The following STK33 variants were observed in gnomAD, a reference collection of about 807,000 sequenced individuals.
STK33 encodes serine/threonine kinase 33.
A neutral mutation model predicts 58.0 loss-of-function variants in STK33; 52 were observed. The ratio of observed to expected loss-of-function variants is 0.90; its 90% CI spans 0.72 to 1.13. STK33 has a LOEUF of 1.13. Among genes scored for constraint, STK33 ranks in the 50% most tolerant of loss-of-function variants. The pLI is 0.00. For missense variants in STK33, 630 were observed against 604.2 expected, an observed-to-expected ratio of 1.04 and a Z score of -0.45; for synonymous variants, 215 against 200.1, an observed-to-expected ratio of 1.07 and a Z score of -0.63.
At chr11:8,362,965 C>T in the STK33 span, among the ~76,000 whole-genome samples, 318 of 149,098 alleles carry the variant, frequency 2.1e-3, 1 homozygote, top group African/African-American at 7.6e-3. Context: ...ACTGAGGAGA[C>T]AAGGGTGACA....
rs1030482033 is a variant in STK33 at position 8,424,916 on chromosome 11, T to G, written c.1146+10578A>C. On this transcript the variant is annotated intron_variant, in intron 14 of 15. Coordinates refer to ENST00000687296, the MANE Select transcript of STK33 (RefSeq NM_001352389.2). ...TGTCAGATGAGTAGATTGCAAAAAT[T>G]TTCTCCCATTCTGTAGGTTGCCTGT... Among the ~76,000 whole-genome samples, 2 of 135,456 alleles carry G rather than the reference T, an allele frequency of 1.5e-5. 1 individual carries two copies. Among genetic ancestry groups the G allele is most frequent in the Non-Finnish European group, 3.1e-5 (2 of 63,904 alleles). 88.9% of individuals were successfully genotyped at this position (135,456 alleles called of 152,430 possible). A position where few individuals can be genotyped will look rare whatever the true frequency, so the allele number is the denominator to read the frequency against.
chr11:8,389,529 C>T (rs1175317656), downstream of STK33, among the ~76,000 whole-genome samples: 1 of 152,188 alleles, frequency 6.6e-6, no homozygotes, highest in African/African-American at 2.4e-5. Flanking sequence ...GGTCTCTAGC[C>T]AAGCACAGCC....
chr11:8,426,478 C>G (rs1487667685), intron 14 of STK33, among the ~76,000 whole-genome samples: 2 of 152,150 alleles, frequency 1.3e-5, no homozygotes, highest in Non-Finnish European at 2.9e-5. Context: ...TCACCTAGGT[C>G]TGTGGGCACA....
intron 8 of STK33, among the ~76,000 whole-genome samples, chr11:8,458,288 A>G (rs1947117689): frequency 6.6e-6 from 1 of 152,194 alleles, no homozygotes; most frequent in Admixed American, 6.5e-5. Flanking sequence ...GAAAGCAGCC[A>G]TAAACAACAC....
chr11:8,355,885 T>C, the STK33 span, among the ~76,000 whole-genome samples: 1 of 152,300 alleles, frequency 6.6e-6, no homozygotes, highest in Non-Finnish European at 1.5e-5. Context: ...ACCATCATCA[T>C]CACAGTTGGC....
intron 5 of STK33, among the ~76,000 whole-genome samples, chr11:8,474,150 G>A (rs10743072): frequency 6.6e-6 from 1 of 151,354 alleles, no homozygotes; most frequent in African/African-American, 2.4e-5. Flanking sequence ...ACTCCAGCCA[G>A]GGCAACAAGA....
the STK33 span, among the ~76,000 whole-genome samples, chr11:8,376,549 C>CTT: frequency 1.4e-5 from 2 of 144,492 alleles, no homozygotes; most frequent in African/African-American, 2.5e-5. Context: ...ATTCTTTTTT[C>CTT]TTTTTTTTTT....
intron 1 of STK33, chr11:8,580,891 T>C (rs1565412959): frequency 6.6e-6 from 1 of 152,150 alleles, no homozygotes; most frequent in Non-Finnish European, 1.5e-5. Context: ...TAGCACTTCA[T>C]CGTGGGTTAT....
At chr11:8,488,966 G>A (rs1252393421) in intron 1 of STK33, among the ~76,000 whole-genome samples, 1 of 152,092 alleles carries the variant, frequency 6.6e-6, no homozygotes, top group Non-Finnish European at 1.5e-5. Context: ...CATGTCTAAA[G>A]AACTAAAAGA....
chr11:8,593,116 AGAG>A (rs2032872957), intron 1 of STK33, among the ~76,000 whole-genome samples: 1 of 152,238 alleles, frequency 6.6e-6, no homozygotes, highest in Non-Finnish European at 1.5e-5. Context: ...TTTGCAAACT[AGAG>A]GTTGGTATGA....
At chr11:8,355,115 AGGGTG>A in the STK33 span, among the ~76,000 whole-genome samples, 2 of 152,178 alleles carry the variant, frequency 1.3e-5, no homozygotes, top group African/African-American at 2.4e-5. Context: ...GGCAGGTGTG[AGGGTG>A]GGGCTTTTCC....
At chr11:8,495,935 C>A (rs1951023258) in intron 1 of STK33, among the ~76,000 whole-genome samples, 1 of 144,018 alleles carries the variant, frequency 6.9e-6, no homozygotes, top group African/African-American at 2.6e-5. Flanking sequence ...ATATCACACA[C>A]TGGGGCCTGT....
At position 8,462,001 on chromosome 11, in the gene STK33, T is replaced by C. The variant is rs1197983922; in HGVS notation, c.454-92A>G. The stretch of plus-strand genomic sequence containing the variant: ...TTATTTTATGTTTTCCTACTTTTTT[T>C]CCTGTAACTTCATATTTGAAGTGAA... On this transcript the variant is annotated intron_variant, in intron 7 of 15. Coordinates refer to ENST00000687296, the MANE Select transcript of STK33 (RefSeq NM_001352389.2). 1.2e-5 allele frequency: 11 copies of C among 887,854 alleles called. 1 individual carries two copies. Among genetic ancestry groups the C allele is most frequent in the Non-Finnish European group, 1.6e-5 (10 of 619,120 alleles). The allele number at this position is 887,854 out of a possible 1,614,324, so 55.0% of individuals were successfully genotyped here. A position where few individuals can be genotyped will look rare whatever the true frequency, so the allele number is the denominator to read the frequency against.
At chr11:8,460,564 C>A (rs1947394439) in intron 8 of STK33, among the ~76,000 whole-genome samples, 1 of 151,776 alleles carries the variant, frequency 6.6e-6, no homozygotes, top group Non-Finnish European at 1.5e-5. Context: ...CAATATCAAG[C>A]AATCTAACTT....
At chr11:8,570,022 A>G (rs1957697785) in intron 1 of STK33, among the ~76,000 whole-genome samples, 1 of 152,148 alleles carries the variant, frequency 6.6e-6, no homozygotes, top group Non-Finnish European at 1.5e-5. Context: ...TATTCACAAT[A>G]CATATATCTA....
At chr11:8,547,098 T>C (rs1029296560) in intron 1 of STK33, among the ~76,000 whole-genome samples, 12 of 152,238 alleles carry the variant, frequency 7.9e-5, no homozygotes, top group East Asian at 1.9e-4. Flanking sequence ...TTTTGGAGAA[T>C]AGCCATTTTA....
the STK33 span, among the ~76,000 whole-genome samples, chr11:8,380,581 C>T: frequency 6.7e-6 from 1 of 149,268 alleles, no homozygotes. Context: ...AAAAAAATGG[C>T]TGTTATTAAA....
At chr11:8,470,020 T>A (rs1458321397) in intron 6 of STK33, among the ~76,000 whole-genome samples, 1 of 152,204 alleles carries the variant, frequency 6.6e-6, no homozygotes, top group Non-Finnish European at 1.5e-5. Context: ...TTCAAAACAA[T>A]AAATGAGCAG....
intron 2 of STK33, among the ~76,000 whole-genome samples, chr11:8,479,431 CA>C (rs777089382): frequency 2.2e-3 from 229 of 104,172 alleles, no homozygotes; most frequent in Admixed American, 2.9e-3. Context: ...GACTCCGTCT[CA>C]AAAAAAAAAA....
Sources: gnomAD v4.1 joint callset for allele counts (sites outside exome capture counted in the v4.1 genomes callset) on GRCh38, gnomAD v4.1.1 for gene constraint, MANE v1.5 for transcripts, NCBI Gene and HGNC (gene_info 2026-07-23, HGNC 2026-07-21) for gene names.